RAB38: variants seen among roughly 807,000 people sequenced by gnomAD.
RAB38 encodes the protein RAB38, member RAS oncogene family, also known as ras-related protein Rab-38.
Under a neutral mutation model 18.4 loss-of-function variants are expected in RAB38, and 15 were observed. The observed-to-expected ratio is 0.82, with a 90% CI of 0.55 to 1.26. The LOEUF (loss-of-function observed/expected upper bound fraction) is 1.26. Ranked by LOEUF, RAB38 falls within the 50% of genes most tolerant of loss-of-function variation. The pLI is 0.00. For synonymous variants in RAB38, 101 were observed against 104.4 expected (o/e 0.97, Z 0.20); for missense variants, 294 against 267.4 (o/e 1.10, Z -0.69).
the RAB38 span, among the ~76,000 whole-genome samples, chr11:87,873,878 A>G: frequency 1.6e-4 from 14 of 87,422 alleles, no homozygotes; most frequent in East Asian, 6.8e-4. Context: ...GTGTGTGTGT[A>G]TATATATGTG....
At chr11:87,971,576 A>C in the RAB38 span, among the ~76,000 whole-genome samples, 13 of 152,196 alleles carry the variant, frequency 8.5e-5, no homozygotes, top group African/African-American at 3.1e-4. Flanking sequence ...ACCTGGTAAC[A>C]GGGATACAAT....
chr11:88,170,877 T>A (rs1943304302), intron 1 of RAB38, among the ~76,000 whole-genome samples: 1 of 152,240 alleles, frequency 6.6e-6, no homozygotes, highest in Non-Finnish European at 1.5e-5. Flanking sequence ...TGGATTGGGT[T>A]TTTTTATTAC....
chr11:87,924,419 T>G, the RAB38 span, among the ~76,000 whole-genome samples: 1 of 151,950 alleles, frequency 6.6e-6, no homozygotes, highest in African/African-American at 2.4e-5. Flanking sequence ...TGATGCAACA[T>G]GAGGAAGTGT....
At chr11:87,881,708 A>G in the RAB38 span, among the ~76,000 whole-genome samples, 2 of 140,250 alleles carry the variant, frequency 1.4e-5, no homozygotes, top group African/African-American at 6.2e-5. Flanking sequence ...CTTTTTAGCC[A>G]CTAAGTATTT....
chr11:88,098,534 T>G, the RAB38 span: 1 of 152,010 alleles, frequency 6.6e-6, no homozygotes, highest in Non-Finnish European at 1.5e-5. Flanking sequence ...TAAACACCAG[T>G]GAACATTCTT....
the RAB38 span, among the ~76,000 whole-genome samples, chr11:88,003,859 TA>T: frequency 0.014 from 25 of 1,814 alleles, no homozygotes; most frequent in Admixed American, 0.031. Context: ...TATAATTATA[TA>T]AATATAATTA....
At chr11:87,909,206 T>A in the RAB38 span, among the ~76,000 whole-genome samples, 1 of 152,064 alleles carries the variant, frequency 6.6e-6, no homozygotes, top group African/African-American at 2.4e-5. Flanking sequence ...TTTCTTGAAC[T>A]TTTTTTCTCT....
At chr11:88,006,628 T>TAG in the RAB38 span, among the ~76,000 whole-genome samples, 1 of 139,134 alleles carries the variant, frequency 7.2e-6, no homozygotes, top group Non-Finnish European at 1.6e-5. Context: ...GTATATATAA[T>TAG]ATATATATAC....
At chr11:88,060,527 T>C in the RAB38 span, among the ~76,000 whole-genome samples, 6,179 of 152,124 alleles carry the variant, frequency 0.041, 157 homozygotes, top group African/African-American at 0.074. Flanking sequence ...CTCCAGGAGA[T>C]GTAGAGAGGT....
rs191631283 is a variant in RAB38 at position 88,158,639 on chromosome 11, C to T, written c.203-8684G>A. On this transcript the variant is annotated intron_variant, in intron 1 of 2. Transcript: ENST00000243662. The stretch of plus-strand genomic sequence containing the variant: ...TATATAAATCAATAAATGTGATTCA[C>T]TACATAAACAGAATTAAAAACAAAA... Among the ~76,000 whole-genome samples the T allele has an allele frequency of 2.9e-3, 438 of 152,108 alleles. 2 individuals are homozygous for T. Among genetic ancestry groups the T allele is most frequent in the African/African-American group, 9.5e-3 (395 of 41,504 alleles).
chr11:88,062,554 T>C, the RAB38 span, among the ~76,000 whole-genome samples: 1 of 152,232 alleles, frequency 6.6e-6, no homozygotes, highest in Non-Finnish European at 1.5e-5. Context: ...TTTTATCACT[T>C]AAGAAGTATC....
At chr11:88,017,484 T>C in the RAB38 span, among the ~76,000 whole-genome samples, 1 of 151,726 alleles carries the variant, frequency 6.6e-6, no homozygotes, top group Non-Finnish European at 1.5e-5. Context: ...CATATAAAGC[T>C]ACTATTCATG....
the RAB38 span, among the ~76,000 whole-genome samples, chr11:88,009,529 A>G: frequency 6.6e-6 from 1 of 152,150 alleles, no homozygotes; most frequent in Non-Finnish European, 1.5e-5. Flanking sequence ...GACAGAAACC[A>G]CTTAAGATTG....
the RAB38 span, among the ~76,000 whole-genome samples, chr11:87,819,231 T>C: frequency 2.0e-5 from 3 of 152,196 alleles, no homozygotes; most frequent in Non-Finnish European, 4.4e-5. Flanking sequence ...GTGTAACCTA[T>C]TGAACAGTTG....
the RAB38 span, chr11:87,880,086 G>T: frequency 1.3e-5 from 2 of 151,588 alleles, no homozygotes; most frequent in Admixed American, 6.6e-5. Context: ...TATTTATTGA[G>T]GGATTTCCAT....
chr11:87,944,648 A>T, the RAB38 span, among the ~76,000 whole-genome samples: 1 of 152,148 alleles, frequency 6.6e-6, no homozygotes, highest in South Asian at 2.1e-4. Context: ...AAATGCTTCT[A>T]TCTGGATATC....
the RAB38 span, among the ~76,000 whole-genome samples, chr11:88,092,913 C>G: frequency 6.6e-6 from 1 of 151,712 alleles, no homozygotes; most frequent in African/African-American, 2.4e-5. Context: ...TAAGATCACA[C>G]AAGAAGGCAA....
At chr11:87,906,700 C>T in the RAB38 span, among the ~76,000 whole-genome samples, 1 of 151,932 alleles carries the variant, frequency 6.6e-6, no homozygotes, top group Non-Finnish European at 1.5e-5. Flanking sequence ...TGAGAGGTAA[C>T]ATGATCAATT....
chr11:88,026,888 C>G, the RAB38 span, among the ~76,000 whole-genome samples: 5,856 of 152,126 alleles, frequency 0.038, 144 homozygotes, highest in Middle Eastern at 0.068. Flanking sequence ...AATCAAATCT[C>G]GAGATAACAA....
Sources: gnomAD v4.1 joint callset for allele counts (sites outside exome capture counted in the v4.1 genomes callset) on GRCh38, gnomAD v4.1.1 for gene constraint, MANE v1.5 for transcripts, NCBI Gene and HGNC (gene_info 2026-07-23, HGNC 2026-07-21) for gene names.